Variants in TCF12 observed in about 807,000 individuals in gnomAD.
TCF12 encodes transcription factor 12.
TCF12 carries 45 observed loss-of-function variants against 86.0 expected under a neutral mutation model. The ratio of observed to expected loss-of-function variants is 0.52; its 90% CI spans 0.41 to 0.67. The LOEUF (loss-of-function observed/expected upper bound fraction) is 0.67, where lower values mean the gene tolerates loss of function less well. Among genes scored for constraint, TCF12 ranks in the 30% least tolerant of loss-of-function variants. The pLI, the probability that TCF12 is intolerant of heterozygous loss-of-function variation, is 0.00. For missense variants in TCF12, 881 were observed against 859.9 expected, an observed-to-expected ratio of 1.02 and a Z score of -0.31; for synonymous variants, 330 against 299.6, an observed-to-expected ratio of 1.10 and a Z score of -1.05.
At chr15:57,014,820 G>A (rs2065051670) in intron 3 of TCF12, among the ~76,000 whole-genome samples, 1 of 151,560 alleles carries the variant, frequency 6.6e-6, no homozygotes. Context: ...GTCCTTATGG[G>A]TCAAGATATG....
chr15:57,102,682 C>T (rs75679609), intron 5 of TCF12, among the ~76,000 whole-genome samples: 4 of 151,508 alleles, frequency 2.6e-5, no homozygotes, highest in East Asian at 1.9e-4. Context: ...CAAATTCAGA[C>T]GTGATGGTTG....
intron 5 of TCF12, among the ~76,000 whole-genome samples, chr15:57,156,809 A>G (rs574328167): frequency 8.5e-5 from 13 of 152,356 alleles, no homozygotes; most frequent in African/African-American, 3.1e-4. Flanking sequence ...TTAAATAGTC[A>G]AAATACAAAA....
At chr15:57,070,640 C>T (rs935863696) in intron 4 of TCF12, among the ~76,000 whole-genome samples, 1 of 152,136 alleles carries the variant, frequency 6.6e-6, no homozygotes, top group Non-Finnish European at 1.5e-5. Flanking sequence ...TTTTGTTTAG[C>T]GCTCTCTCCA....
In TCF12 at chr15:57,287,561, G is replaced by GA. The variant is rs2061972840; in HGVS notation, c.*1419dup. On this transcript the variant is annotated 3_prime_UTR_variant, in exon 21 of 21. Coordinates refer to ENST00000333725, the MANE Select transcript of TCF12 (RefSeq NM_207037.2). ...AGACATAATCACTTTGAACTTCCAT[G>GA]AAACCTGTCTTCCACCACAACAACC... The GA allele has an allele frequency of 6.6e-6, 1 of 152,632 alleles. No individual in the cohort carries two copies. Among genetic ancestry groups the GA allele is most frequent in the Admixed American group, 6.5e-5 (1 of 15,270 alleles). The allele number at this position is 152,632 out of a possible 1,614,324, so 9.5% of individuals were successfully genotyped here.
intron 4 of TCF12, among the ~76,000 whole-genome samples, chr15:57,072,050 T>C (rs1248519249): frequency 2.6e-5 from 4 of 152,240 alleles, no homozygotes; most frequent in Non-Finnish European, 5.9e-5. Flanking sequence ...TTTATAAATA[T>C]TAACTTACTG....
At chr15:57,265,226 A>T (rs1218602431) in intron 18 of TCF12, among the ~76,000 whole-genome samples, 2 of 152,034 alleles carry the variant, frequency 1.3e-5, no homozygotes, top group Non-Finnish European at 2.9e-5. Context: ...GATGAGAAAA[A>T]AAATTGATTC....
intron 3 of TCF12, among the ~76,000 whole-genome samples, chr15:56,989,702 A>T (rs2063350519): frequency 1.3e-5 from 2 of 152,178 alleles, no homozygotes; most frequent in South Asian, 4.1e-4. Flanking sequence ...GCTGACCTTG[A>T]CTTAGTAAAG....
intron 6 of TCF12, among the ~76,000 whole-genome samples, chr15:57,188,106 A>G (rs1490428879): frequency 6.6e-6 from 1 of 152,126 alleles, no homozygotes; most frequent in African/African-American, 2.4e-5. Context: ...AATTTAGTAA[A>G]GTTGCAGGAT....
intron 3 of TCF12, among the ~76,000 whole-genome samples, chr15:57,023,065 T>C (rs1295209212): frequency 2.0e-5 from 3 of 152,178 alleles, no homozygotes; most frequent in Non-Finnish European, 2.9e-5. Context: ...ATGTCATAAT[T>C]TGCTGTTCAG....
intron 7 of TCF12, among the ~76,000 whole-genome samples, chr15:57,193,193 ATT>A (rs2057073760): frequency 6.6e-6 from 1 of 152,294 alleles, no homozygotes; most frequent in Non-Finnish European, 1.5e-5. Context: ...TTAGGATAAA[ATT>A]TTAAGATTTT....
intron 4 of TCF12, among the ~76,000 whole-genome samples, chr15:57,089,584 GTTTTTT>G (rs71113060): frequency 6.9e-6 from 1 of 145,646 alleles, no homozygotes. Flanking sequence ...TTAGGAAATA[GTTTTTT>G]TTTTTTTTTT....
At chr15:56,981,579 A>T (rs561177759) in intron 3 of TCF12, among the ~76,000 whole-genome samples, 1 of 152,312 alleles carries the variant, frequency 6.6e-6, no homozygotes, top group South Asian at 2.1e-4. Context: ...CACTCAAACC[A>T]TAACACTTAT....
At chr15:57,225,957 C>G (rs1235118263) in intron 8 of TCF12, among the ~76,000 whole-genome samples, 1 of 151,198 alleles carries the variant, frequency 6.6e-6, no homozygotes, top group Non-Finnish European at 1.5e-5. Flanking sequence ...GTGTGCTGCA[C>G]CCATTAACTT....
intron 13 of TCF12, among the ~76,000 whole-genome samples, chr15:57,246,210 T>A (rs1349619261): frequency 6.6e-6 from 1 of 152,176 alleles, no homozygotes; most frequent in Non-Finnish European, 1.5e-5. Context: ...ACAGGTCTTT[T>A]AAAGATAGAT....
chr15:57,027,272 T>C (rs1274938202), intron 3 of TCF12, among the ~76,000 whole-genome samples: 2 of 152,250 alleles, frequency 1.3e-5, no homozygotes, highest in Non-Finnish European at 2.9e-5. Flanking sequence ...TTTCTGTCAC[T>C]GTAAATTACC....
At chr15:57,174,658 C>T (rs1403061889) in intron 6 of TCF12, among the ~76,000 whole-genome samples, 1 of 152,130 alleles carries the variant, frequency 6.6e-6, no homozygotes, top group Non-Finnish European at 1.5e-5. Flanking sequence ...ACTTCTAAAA[C>T]TAAATAGTAC....
chr15:57,171,949 A>G (rs1321383029), intron 6 of TCF12, among the ~76,000 whole-genome samples: 1 of 152,196 alleles, frequency 6.6e-6, no homozygotes, highest in Non-Finnish European at 1.5e-5. Flanking sequence ...CTAAGTGTTT[A>G]AATGTAGAAG....
intron 14 of TCF12, 175 bp from the exon 15 acceptor site, chr15:57,252,246 T>C (rs1034252966): frequency 3.7e-6 from 2 of 537,556 alleles, no homozygotes; most frequent in Admixed American, 7.0e-5. Context: ...ATGCTAACCT[T>C]GTAACTTCCC....
chr15:57,086,223 T>TAATAATA (rs1353651193), intron 4 of TCF12, among the ~76,000 whole-genome samples: 11 of 148,526 alleles, frequency 7.4e-5, no homozygotes, highest in African/African-American at 2.7e-4. Context: ...ATAATAATAA[T>TAATAATA]AATAATAATA....
Sources: allele counts gnomAD v4.1 joint callset (sites outside exome capture counted in the v4.1 genomes callset), GRCh38; gene constraint gnomAD v4.1.1; transcripts MANE v1.5; gene names NCBI Gene and HGNC (gene_info 2026-07-23, HGNC 2026-07-21).